NYAP2: variants seen among roughly 807,000 people sequenced by gnomAD.
The protein encoded by NYAP2 is neuronal tyrosine-phosphorylated phosphoinositide-3-kinase adapter 2.
NYAP2 carries 23 observed loss-of-function variants against 50.4 expected under a neutral mutation model. The observed-to-expected ratio is 0.46, with a 90% CI of 0.33 to 0.65. NYAP2 has a LOEUF of 0.65. Ranked by LOEUF, NYAP2 falls within the 30% of genes least tolerant of loss-of-function variation. The pLI is 0.02. For synonymous variants in NYAP2, 394 were observed against 365.2 expected (o/e 1.08, Z -0.90); for missense variants, 885 against 861.0 (o/e 1.03, Z -0.35).
At chr2:225,536,748 T>G (rs947571057) in intron 4 of NYAP2, among the ~76,000 whole-genome samples, 3 of 151,880 alleles carry the variant, frequency 2.0e-5, no homozygotes, top group Non-Finnish European at 4.4e-5. Flanking sequence ...TGCTGTCAAG[T>G]AGGAGGTCTT....
intron 3 of NYAP2, among the ~76,000 whole-genome samples, chr2:225,463,823 T>C (rs1689873271): frequency 1.3e-5 from 2 of 152,134 alleles, no homozygotes; most frequent in Non-Finnish European, 2.9e-5. Context: ...TGGCTGTGGA[T>C]TGTGAGCAGC....
intron 6 of NYAP2, among the ~76,000 whole-genome samples, chr2:225,631,440 G>A (rs1693314773): frequency 1.3e-5 from 2 of 152,128 alleles, no homozygotes; most frequent in South Asian, 4.1e-4. Context: ...GATTATGAAG[G>A]AGGTAGGCAA....
At chr2:225,440,332 A>G (rs918588679) in intron 3 of NYAP2, among the ~76,000 whole-genome samples, 1 of 152,236 alleles carries the variant, frequency 6.6e-6, no homozygotes, top group Non-Finnish European at 1.5e-5. Context: ...GACAGAGTGA[A>G]AATATTAGCT....
At chr2:225,641,352 G>A (rs1230549243) in intron 6 of NYAP2, among the ~76,000 whole-genome samples, 25 of 150,902 alleles carry the variant, frequency 1.7e-4, no homozygotes, top group Admixed American at 5.3e-4. Flanking sequence ...TTTTGTAATC[G>A]GCCCAGAATA....
chr2:225,657,846 C>T (rs1693852816), downstream of NYAP2, among the ~76,000 whole-genome samples: 1 of 152,146 alleles, frequency 6.6e-6, no homozygotes, highest in Non-Finnish European at 1.5e-5. Flanking sequence ...TTACAGTCCA[C>T]AGGAGAAAGC....
At chr2:225,499,548 C>A (rs1329188627) in intron 3 of NYAP2, among the ~76,000 whole-genome samples, 1 of 152,012 alleles carries the variant, frequency 6.6e-6, no homozygotes, top group Non-Finnish European at 1.5e-5. Context: ...GATCTCCTGA[C>A]CCGGTGACCC....
chr2:225,574,872 C>T (rs1024167316), intron 4 of NYAP2, among the ~76,000 whole-genome samples: 7 of 152,212 alleles, frequency 4.6e-5, no homozygotes, highest in Non-Finnish European at 1.0e-4. Context: ...TACAAGTCCA[C>T]ATTTTACTGG....
intron 4 of NYAP2, among the ~76,000 whole-genome samples, chr2:225,580,250 T>G (rs1692248775): frequency 6.6e-6 from 1 of 152,228 alleles, no homozygotes; most frequent in South Asian, 2.1e-4. Flanking sequence ...GGGCTCAGAC[T>G]TTTGTATATA....
At chr2:225,658,193 C>T (rs1185914148), downstream of NYAP2, among the ~76,000 whole-genome samples, 2 of 152,152 alleles carry the variant, frequency 1.3e-5, no homozygotes, top group Non-Finnish European at 2.9e-5. Context: ...CACCACCACA[C>T]AGCTTCTTTC....
the NYAP2 span, among the ~76,000 whole-genome samples, chr2:225,681,625 C>A: frequency 3.3e-5 from 5 of 152,142 alleles, no homozygotes; most frequent in Non-Finnish European, 7.4e-5. Context: ...AGAAAATGAG[C>A]ACTTTTGGTC....
At chr2:225,614,078 C>T (rs974419667) in intron 5 of NYAP2, among the ~76,000 whole-genome samples, 3 of 151,992 alleles carry the variant, frequency 2.0e-5, no homozygotes, top group African/African-American at 7.3e-5. Flanking sequence ...TCTGAGAAAA[C>T]CAAGGCTCAG....
At chr2:225,438,185 A>T (rs569607155) in intron 3 of NYAP2, among the ~76,000 whole-genome samples, 2 of 152,176 alleles carry the variant, frequency 1.3e-5, no homozygotes, top group Non-Finnish European at 2.9e-5. Flanking sequence ...CCACATATCT[A>T]GTAGATGTGT....
chr2:225,622,563 C>CTTTCTTCTTTCTT (rs1693134668), intron 5 of NYAP2, among the ~76,000 whole-genome samples: 6 of 43,720 alleles, frequency 1.4e-4, no homozygotes, highest in Admixed American at 3.1e-4. Context: ...CTTTCTTTTT[C>CTTTCTTCTTTCTT]TTTCTTTCTT....
chr2:225,444,541 T>C (rs1689522290), intron 3 of NYAP2, among the ~76,000 whole-genome samples: 1 of 152,210 alleles, frequency 6.6e-6, no homozygotes, highest in Non-Finnish European at 1.5e-5. Context: ...CACAGTAATA[T>C]AAAATGTAGA....
At position 225,582,767 on chromosome 2, in the gene NYAP2, C is replaced by A. The variant is rs372148969; in HGVS notation, c.1350C>A (p.Ser450Arg). The change falls in exon 5 of 7, where the codon AGC becomes AGA. Residue 450 changes from serine (S) to arginine (R), a missense_variant. Coordinates refer to ENST00000636099, the Ensembl canonical transcript of NYAP2. This position sits in a 1 kb window ranked among gnomAD's most constrained non-coding sequence, Gnocchi z 7.0. ...TGGGGAGGTCCCTGACTCCCCTGAG[C>A]CTCAAAAGGCCTCCCCCTTACGACG... 7 of 1,613,730 alleles carry A rather than the reference C, an allele frequency of 4.3e-6. No homozygotes were observed. Among genetic ancestry groups the A allele is most frequent in the Non-Finnish European group, 5.9e-6 (7 of 1,179,882 alleles).
chr2:225,613,301 C>T (rs1043377956), intron 5 of NYAP2, among the ~76,000 whole-genome samples: 2 of 152,078 alleles, frequency 1.3e-5, no homozygotes, highest in African/African-American at 4.8e-5. Flanking sequence ...AGCACCCAGA[C>T]CAGAGAAAGA....
intron 3 of NYAP2, among the ~76,000 whole-genome samples, chr2:225,501,294 G>C (rs956802817): frequency 6.6e-6 from 1 of 152,196 alleles, no homozygotes; most frequent in Non-Finnish European, 1.5e-5. Context: ...AAACCAGAGA[G>C]TAGCCTCTTG....
At chr2:225,512,269 A>G (rs1690832815) in intron 3 of NYAP2, among the ~76,000 whole-genome samples, 1 of 152,206 alleles carries the variant, frequency 6.6e-6, no homozygotes, top group African/African-American at 2.4e-5. Flanking sequence ...GAAACTTTGC[A>G]TACACTGAAT....
intron 4 of NYAP2, among the ~76,000 whole-genome samples, chr2:225,519,241 G>C (rs182722034): frequency 6.6e-6 from 1 of 151,222 alleles, no homozygotes; most frequent in Non-Finnish European, 1.5e-5. Flanking sequence ...TTAGTATAAA[G>C]AATATTTTAT....
Sources: gnomAD v4.1 joint callset for allele counts (sites outside exome capture counted in the v4.1 genomes callset) on GRCh38, gnomAD v4.1.1 for gene constraint, Gnocchi (gnomAD v3.1) non-coding constraint, MANE v1.5 for transcripts, NCBI Gene and HGNC (gene_info 2026-07-23, HGNC 2026-07-21) for gene names.